Variants in USP32 observed in about 807,000 individuals in gnomAD.
The protein encoded by USP32 is ubiquitin carboxyl-terminal hydrolase 32.
A neutral mutation model predicts 204.8 loss-of-function variants in USP32; 59 were observed. That is an observed-to-expected ratio of 0.29 (90% CI 0.23 to 0.36). The LOEUF is 0.36. Ranked by LOEUF, USP32 falls within the 10% of genes least tolerant of loss-of-function variation. USP32 has a pLI of 1.00. For missense variants in USP32, 1,160 were observed against 1,946.4 expected (o/e 0.60, Z 7.60); for synonymous variants, 517 against 678.4 (o/e 0.76, Z 3.70).
At chr17:60,384,216 G>T (rs1567888878) in intron 1 of USP32, among the ~76,000 whole-genome samples, 1 of 152,202 alleles carries the variant, frequency 6.6e-6, no homozygotes, top group Admixed American at 6.5e-5. Flanking sequence ...TATCTTGTTA[G>T]AAAGATCCTT....
At chr17:60,277,432 A>C (rs2086865933) in intron 5 of USP32, among the ~76,000 whole-genome samples, 1 of 152,234 alleles carries the variant, frequency 6.6e-6, no homozygotes, top group Non-Finnish European at 1.5e-5. Flanking sequence ...AATGGCTGTA[A>C]GCCTTGCATC....
chr17:60,375,642 C>T (rs1354780926), intron 1 of USP32, among the ~76,000 whole-genome samples: 4 of 152,180 alleles, frequency 2.6e-5, no homozygotes, highest in Admixed American at 6.5e-5. Context: ...CTCGCTCTGT[C>T]GCTCAGGCTG....
At chr17:60,204,168 A>T (rs1222670867) in intron 26 of USP32, among the ~76,000 whole-genome samples, 4 of 152,180 alleles carry the variant, frequency 2.6e-5, no homozygotes, top group Non-Finnish European at 5.9e-5. Context: ...ACATTCTTGT[A>T]TCCTCTAAGA....
At chr17:60,383,865 T>C (rs1466104043) in intron 1 of USP32, among the ~76,000 whole-genome samples, 2 of 152,192 alleles carry the variant, frequency 1.3e-5, no homozygotes, top group Non-Finnish European at 2.9e-5. Context: ...AAGACTACAT[T>C]TTTAAAAATT....
At chr17:60,345,949 T>G (rs1247802678) in intron 1 of USP32, among the ~76,000 whole-genome samples, 1 of 151,278 alleles carries the variant, frequency 6.6e-6, no homozygotes, top group Admixed American at 6.6e-5. Context: ...GCCGCCGCAC[T>G]CCAGCATGGA....
At chr17:60,340,730 T>C (rs911024441) in intron 2 of USP32, among the ~76,000 whole-genome samples, 53 of 152,210 alleles carry the variant, frequency 3.5e-4, no homozygotes, top group African/African-American at 1.3e-3. Flanking sequence ...AGCTGGTTAT[T>C]TTGCCCATTA....
chr17:60,344,614 T>TAA (rs1320650566), intron 2 of USP32, among the ~76,000 whole-genome samples: 1 of 152,002 alleles, frequency 6.6e-6, no homozygotes, highest in Non-Finnish European at 1.5e-5. Context: ...TCATGTCTGC[T>TAA]AATTTTTTTG....
At chr17:60,387,138 C>T (rs1007486473) in intron 1 of USP32, among the ~76,000 whole-genome samples, 1 of 151,952 alleles carries the variant, frequency 6.6e-6, no homozygotes, top group African/African-American at 2.4e-5. Flanking sequence ...ATTCAATTTC[C>T]GTGTATAGAA....
intron 1 of USP32, among the ~76,000 whole-genome samples, chr17:60,401,214 G>A (rs1159964381): frequency 6.6e-6 from 1 of 151,454 alleles, no homozygotes; most frequent in Admixed American, 6.6e-5. Flanking sequence ...CCAGCACTTT[G>A]GGGGGCCAAG....
intron 29 of USP32, among the ~76,000 whole-genome samples, chr17:60,187,277 A>G (rs1401316309): frequency 1.3e-5 from 2 of 152,254 alleles, no homozygotes; most frequent in Admixed American, 6.5e-5. Context: ...CTAGCACTGC[A>G]TAACTATCCA....
chr17:60,256,140 T>C (rs2086296948), intron 9 of USP32, among the ~76,000 whole-genome samples: 1 of 151,296 alleles, frequency 6.6e-6, no homozygotes, highest in East Asian at 1.9e-4. Context: ...GGAGCATGAG[T>C]CCAGCCTGGG....
intron 9 of USP32, chr17:60,256,680 TGTTGCTGTGAGGAAA>T: frequency 1.8e-6 from 2 of 1,108,360 alleles, no homozygotes; most frequent in Middle Eastern, 4.3e-4. Flanking sequence ...GTGTGGTATC[TGTTGCTGTGAGGAAA>T]GGAACATCAA....
intron 4 of USP32, among the ~76,000 whole-genome samples, chr17:60,294,383 A>AGT (rs60195146): frequency 0.021 from 3,084 of 146,452 alleles, 44 homozygotes; most frequent in East Asian, 0.039. Context: ...TTCCTGCAGG[A>AGT]GTGTGTGTGT....
In USP32 at chr17:60,419,626, G is replaced by T. The variant is rs554282025; in HGVS notation, c.106+2620C>A. On this transcript the variant is annotated intron_variant, in intron 1 of 3. Transcript: ENST00000588898. ...CAGGGGCCTGTAGTCCCAGCTACTC[G>T]GGAGGCTGAGGCAAGAGAATGGCGT... Among the ~76,000 whole-genome samples, 7 of 151,178 alleles carry T rather than the reference G, an allele frequency of 4.6e-5. 1 individual carries two copies. In the South Asian group the frequency reaches 1.1e-3, roughly 23 times the overall value.
At chr17:60,394,793 G>C (rs2089888699), upstream of USP32, among the ~76,000 whole-genome samples, 1 of 152,014 alleles carries the variant, frequency 6.6e-6, no homozygotes, top group Non-Finnish European at 1.5e-5. Flanking sequence ...GCCCAGGCTG[G>C]AATGCAGTGG....
At chr17:60,366,198 G>A (rs987277086) in intron 1 of USP32, among the ~76,000 whole-genome samples, 1 of 151,370 alleles carries the variant, frequency 6.6e-6, no homozygotes, top group African/African-American at 2.4e-5. Flanking sequence ...TTGCTCTGTC[G>A]CCTAGGCTGG....
At chr17:60,369,286 G>A (rs937480986) in intron 1 of USP32, among the ~76,000 whole-genome samples, 6 of 138,130 alleles carry the variant, frequency 4.3e-5, no homozygotes, top group Non-Finnish European at 7.4e-5. Flanking sequence ...GAGCCACCGC[G>A]CCCGGCCAAA....
At chr17:60,196,860 T>C (rs1406876733) in intron 27 of USP32, among the ~76,000 whole-genome samples, 5 of 151,854 alleles carry the variant, frequency 3.3e-5, no homozygotes, top group African/African-American at 1.2e-4. Context: ...AAATAACTTA[T>C]TTAAGTAAAG....
At chr17:60,206,902 T>G in intron 25 of USP32, 119 bp downstream of exon 25, 1 of 1,470,214 alleles carries the variant, frequency 6.8e-7, no homozygotes, top group Non-Finnish European at 9.0e-7. Flanking sequence ...AGGTTTCCCT[T>G]GGGTTCCAAA....
Sources: allele counts gnomAD v4.1 joint callset (sites outside exome capture counted in the v4.1 genomes callset), GRCh38; gene constraint gnomAD v4.1.1; transcripts MANE v1.5; gene names NCBI Gene and HGNC (gene_info 2026-07-23, HGNC 2026-07-21).